ERBB4: variants seen among roughly 807,000 people sequenced by gnomAD.
ERBB4 encodes the protein receptor tyrosine-protein kinase erbB-4.
A neutral mutation model predicts 158.0 loss-of-function variants in ERBB4; 42 were observed. That is an observed-to-expected ratio of 0.27 (90% CI 0.21 to 0.34). ERBB4 has a LOEUF of 0.34. Ranked by LOEUF, ERBB4 falls within the 10% of genes least tolerant of loss-of-function variation. The probability of loss-of-function intolerance (pLI) is 1.00; values close to 1 mark genes in which losing one functional copy is unlikely to be tolerated. For synonymous variants in ERBB4, 583 were observed against 558.7 expected, an observed-to-expected ratio of 1.04 and a Z score of -0.61; for missense variants, 1,333 against 1,624.1, an observed-to-expected ratio of 0.82 and a Z score of 3.08.
In ERBB4 at chr2:211,605,527, T is replaced by C. The variant is rs372483934; in HGVS notation, c.2301+13650A>G. On this transcript the variant is annotated intron_variant, in intron 19 of 27. Coordinates refer to ENST00000342788, the MANE Select transcript of ERBB4 (RefSeq NM_005235.3). Reference sequence around the variant, plus strand: ...ATATGTCCTGGAATTTATTTACCCCTAAGAGAGCTTACAGACATTGAAACT... The same window carrying C: ...ATATGTCCTGGAATTTATTTACCCCCAAGAGAGCTTACAGACATTGAAACT... Among the ~76,000 whole-genome samples the C allele has an allele frequency of 7.8e-4, 118 of 152,222 alleles. 1 individual carries two copies. The South Asian group carries it at 0.022, about 28-fold the overall frequency.
chr2:212,171,058 C>T (rs2081502757), intron 1 of ERBB4, among the ~76,000 whole-genome samples: 1 of 152,064 alleles, frequency 6.6e-6, no homozygotes. Context: ...GTGAAAGCAG[C>T]CAGGAGGGGG....
chr2:212,367,772 AG>A (rs2089942850), intron 1 of ERBB4, among the ~76,000 whole-genome samples: 1 of 152,148 alleles, frequency 6.6e-6, no homozygotes, highest in African/African-American at 2.4e-5. Context: ...AAGTGAGCTA[AG>A]GGCATGAATA....
intron 3 of ERBB4, among the ~76,000 whole-genome samples, chr2:211,930,127 T>C (rs540188110): frequency 1.3e-5 from 2 of 152,092 alleles, no homozygotes; most frequent in Non-Finnish European, 2.9e-5. Context: ...TAAAATAAAA[T>C]GACAGAGTAA....
chr2:211,435,575 A>G (rs2063831343), intron 20 of ERBB4, among the ~76,000 whole-genome samples: 3 of 152,200 alleles, frequency 2.0e-5, no homozygotes, highest in Admixed American at 1.3e-4. Context: ...GCGAGCCAGC[A>G]TAACTGCCAG....
intron 1 of ERBB4, among the ~76,000 whole-genome samples, chr2:212,174,523 T>C (rs1158010852): frequency 2.0e-5 from 3 of 152,250 alleles, no homozygotes; most frequent in South Asian, 4.1e-4. Flanking sequence ...AAGCATGATG[T>C]GTTCAAATGT....
intron 1 of ERBB4, among the ~76,000 whole-genome samples, chr2:212,182,858 T>C (rs2081912808): frequency 7.7e-6 from 1 of 129,474 alleles, no homozygotes; most frequent in Non-Finnish European, 1.6e-5. Context: ...TCTTCTTTGC[T>C]CAGGTAAAAG....
chr2:211,928,039 C>T (rs905699524), intron 3 of ERBB4, among the ~76,000 whole-genome samples: 2 of 152,024 alleles, frequency 1.3e-5, no homozygotes, highest in Non-Finnish European at 2.9e-5. Flanking sequence ...ATTTTCCATC[C>T]TCCTGAAATT....
intron 1 of ERBB4, among the ~76,000 whole-genome samples, chr2:212,189,085 G>C (rs868489868): frequency 1.7e-4 from 23 of 137,352 alleles, no homozygotes; most frequent in African/African-American, 5.3e-4. Flanking sequence ...TTTTTTTTGG[G>C]GGGGGGGGTG....
intron 20 of ERBB4, among the ~76,000 whole-genome samples, chr2:211,497,941 G>A (rs1171186008): frequency 2.0e-5 from 3 of 152,040 alleles, no homozygotes; most frequent in African/African-American, 7.2e-5. Context: ...AAGTTGTTCA[G>A]CGGCAAGATG....
At chr2:212,058,903 T>G (rs998448504) in intron 2 of ERBB4, among the ~76,000 whole-genome samples, 7 of 152,112 alleles carry the variant, frequency 4.6e-5, no homozygotes, top group African/African-American at 1.7e-4. Flanking sequence ...CCCTCTCTCA[T>G]CACTCTTATT....
intron 20 of ERBB4, among the ~76,000 whole-genome samples, chr2:211,535,454 T>C (rs1386703905): frequency 6.6e-5 from 10 of 152,200 alleles, no homozygotes; most frequent in African/African-American, 2.2e-4. Context: ...TATTACCAAG[T>C]AGCTAACTGA....
rs1432737584 is a variant in ERBB4 at position 211,545,088 on chromosome 2, C to T, written c.2487+16815G>A. Among the ~76,000 whole-genome samples, 3 of 152,040 alleles carry T rather than the reference C, an allele frequency of 2.0e-5. No individual in the cohort carries two copies. In the South Asian group the frequency reaches 6.2e-4, roughly 32 times the overall value. ...TATTCTAGACTGGCCCTACATTCTT[C>T]CAGTCTATAGTAGAAACTGAGTCAT... On this transcript the variant is annotated intron_variant, in intron 20 of 27. Coordinates refer to ENST00000342788, the MANE Select transcript of ERBB4 (RefSeq NM_005235.3).
intron 1 of ERBB4, among the ~76,000 whole-genome samples, chr2:212,447,774 T>TTGTG (rs3040357): frequency 0.11 from 16,807 of 147,110 alleles, 1,019 homozygotes; most frequent in Non-Finnish European, 0.15. Context: ...TCATAAAAGA[T>TTGTG]TGTGTGTGTG....
intron 1 of ERBB4, among the ~76,000 whole-genome samples, chr2:212,228,278 C>T (rs2083543184): frequency 6.6e-6 from 1 of 152,022 alleles, no homozygotes; most frequent in African/African-American, 2.4e-5. Context: ...GATGACAAAA[C>T]CAGTGTAAAT....
chr2:212,222,038 G>C (rs2083306554), intron 1 of ERBB4, among the ~76,000 whole-genome samples: 1 of 151,408 alleles, frequency 6.6e-6, no homozygotes, highest in Non-Finnish European at 1.5e-5. Context: ...TTAGTAAATT[G>C]AGTAAACAAT....
chr2:212,305,978 G>GC (rs2086795778), intron 1 of ERBB4, among the ~76,000 whole-genome samples: 2 of 151,388 alleles, frequency 1.3e-5, no homozygotes, highest in African/African-American at 4.8e-5. Flanking sequence ...ATCTGTATAA[G>GC]TAAATCTGCT....
intron 22 of ERBB4, 71 bp from the exon 23 acceptor site, chr2:211,424,372 T>A: frequency 9.1e-7 from 1 of 1,095,162 alleles, no homozygotes; most frequent in Non-Finnish European, 1.4e-6. Flanking sequence ...ACTATACCAG[T>A]AGTAAAAGAA....
intron 2 of ERBB4, among the ~76,000 whole-genome samples, chr2:212,090,344 C>CT (rs1413010174): frequency 6.6e-6 from 1 of 152,144 alleles, no homozygotes; most frequent in East Asian, 1.9e-4. Context: ...CTTGAAACCT[C>CT]TTTAACTTGT....
chr2:212,449,843 C>T (rs13403902), intron 1 of ERBB4, among the ~76,000 whole-genome samples: 1 of 130,034 alleles, frequency 7.7e-6, no homozygotes, highest in Admixed American at 7.1e-5. Flanking sequence ...ATTATAGCTA[C>T]TGATATAGCT....
Sources: allele counts gnomAD v4.1 joint callset (sites outside exome capture counted in the v4.1 genomes callset), GRCh38; gene constraint gnomAD v4.1.1; transcripts MANE v1.5; gene names NCBI Gene and HGNC (gene_info 2026-07-23, HGNC 2026-07-21).